CCR3: variants seen among roughly 807,000 people sequenced by gnomAD.
CCR3 encodes the protein C-C chemokine receptor type 3.
For synonymous variants in CCR3, 203 were observed against 179.2 expected, an observed-to-expected ratio of 1.13 and a Z score of -1.06; for missense variants, 419 against 437.5, an observed-to-expected ratio of 0.96 and a Z score of 0.38.
At chr3:46,236,728 G>C (rs1700029034) in intron 2 of CCR3, among the ~76,000 whole-genome samples, 1 of 152,196 alleles carries the variant, frequency 6.6e-6, no homozygotes, top group African/African-American at 2.4e-5. Context: ...GCAGCACATA[G>C]TGGGACCCTA....
upstream of CCR3, among the ~76,000 whole-genome samples, chr3:46,242,187 A>G (rs1046624897): frequency 6.6e-6 from 1 of 152,088 alleles, no homozygotes; most frequent in Non-Finnish European, 1.5e-5. Flanking sequence ...AGCAATGCCA[A>G]TGGGTGGAGA....
At chr3:46,213,394 C>G (rs1200511789) in intron 2 of CCR3, among the ~76,000 whole-genome samples, 1 of 152,232 alleles carries the variant, frequency 6.6e-6, no homozygotes, top group South Asian at 2.1e-4. Context: ...AAGGCATAAC[C>G]TCAGAAGTCA....
chr3:46,251,804 T>TG (rs888837306), intron 1 of CCR3, among the ~76,000 whole-genome samples: 1 of 151,338 alleles, frequency 6.6e-6, no homozygotes, highest in African/African-American at 2.4e-5. Flanking sequence ...CAGGCAGGAG[T>TG]GGGGGTCACA....
chr3:46,250,777 AAG>A (rs759115043), intron 1 of CCR3, among the ~76,000 whole-genome samples: 2 of 151,908 alleles, frequency 1.3e-5, no homozygotes, highest in Non-Finnish European at 1.5e-5. Flanking sequence ...ACCCAGAGAA[AAG>A]AGAGAGTAGA....
chr3:46,248,572 G>A (rs978511534), intron 1 of CCR3, among the ~76,000 whole-genome samples: 2 of 152,178 alleles, frequency 1.3e-5, no homozygotes, highest in Admixed American at 1.3e-4. Context: ...GACAGGATCA[G>A]CAGGGAGAGC....
At chr3:46,230,085 T>C (rs904919624) in intron 2 of CCR3, among the ~76,000 whole-genome samples, 1 of 151,912 alleles carries the variant, frequency 6.6e-6, no homozygotes, top group Non-Finnish European at 1.5e-5. Context: ...CAGGTCTTGA[T>C]AGAATCATAG....
intron 2 of CCR3, among the ~76,000 whole-genome samples, chr3:46,234,555 G>A (rs565301528): frequency 1.3e-5 from 2 of 152,052 alleles, no homozygotes; most frequent in African/African-American, 4.8e-5. Context: ...ATTAAGCCTC[G>A]TTTTAACATT....
chr3:46,236,671 C>G (rs887163356), intron 2 of CCR3, among the ~76,000 whole-genome samples: 2 of 152,260 alleles, frequency 1.3e-5, no homozygotes, highest in Non-Finnish European at 2.9e-5. Context: ...CTCCCTCACA[C>G]TGGGGTCCCC....
chr3:46,247,202 T>C (rs796663717), intron 1 of CCR3, among the ~76,000 whole-genome samples: 3 of 152,040 alleles, frequency 2.0e-5, no homozygotes, highest in African/African-American at 7.2e-5. Flanking sequence ...GAAAAAACAG[T>C]GTAAACTGGC....
rs559477687 is a variant in CCR3 at position 46,256,695 on chromosome 3, G to A, written c.-11-8453G>A. Among the ~76,000 whole-genome samples, 9 of 152,104 alleles carry A rather than the reference G, an allele frequency of 5.9e-5. No homozygotes were observed. In the East Asian group the frequency reaches 7.7e-4, roughly 13 times the overall value. ...AAAATTTTATTCATAAATAAATTGC[G>A]TAAAAAATCACAATGTATAAATGCA... On this transcript the variant is annotated intron_variant, in intron 1 of 1. Transcript: ENST00000395940.
upstream of CCR3, among the ~76,000 whole-genome samples, chr3:46,241,454 C>T (rs1159912701): frequency 6.6e-6 from 1 of 152,164 alleles, no homozygotes; most frequent in Non-Finnish European, 1.5e-5. Context: ...ATGGCTCTGC[C>T]CTGTGACGCT....
rs575595555 is a variant in CCR3 at position 46,264,518 on chromosome 3, A to G, written c.-11-630A>G. The stretch of plus-strand genomic sequence containing the variant: ...CACTACATTTGAATCTAGTGACAGG[A>G]GAAATGGACATGGATAGAGACTAAA... On this transcript the variant is annotated intron_variant, in intron 1 of 1. Transcript: ENST00000395940. 6.3e-5 allele frequency: 63 copies of G among 994,232 alleles called. No homozygotes were observed. The Middle Eastern group carries it at 1.2e-3, about 19-fold the overall frequency. The allele number at this position is 994,232 out of a possible 1,614,324, so 61.6% of individuals were successfully genotyped here. A position where few individuals can be genotyped will look rare whatever the true frequency, so the allele number is the denominator to read the frequency against.
intron 1 of CCR3, among the ~76,000 whole-genome samples, chr3:46,243,002 T>TATATACAC (rs56773457): frequency 0.089 from 10,978 of 123,200 alleles, 871 homozygotes; most frequent in Non-Finnish European, 0.13. Context: ...TATATATATA[T>TATATACAC]ACGCACACAC....
chr3:46,250,850 G>A (rs932844386), intron 1 of CCR3, among the ~76,000 whole-genome samples: 1 of 151,746 alleles, frequency 6.6e-6, no homozygotes, highest in African/African-American at 2.4e-5. Context: ...GGGGGGTTGG[G>A]GCATGGAAAT....
rs1170645535 is a variant in CCR3 at position 46,266,310 on chromosome 3, A to G, written c.*84A>G. ...AGCCTTCCACACTCACCTCTAAAAC[A>G]GTCCTTCAAACTTCCAGTGCAACAC... On this transcript the variant is annotated 3_prime_UTR_variant, in exon 2 of 2. Transcript: ENST00000395940. The G allele has an allele frequency of 1.1e-5, 9 of 818,698 alleles. No homozygotes were observed. Among genetic ancestry groups the G allele is most frequent in the Admixed American group, 2.7e-5 (1 of 36,580 alleles). The allele number at this position is 818,698 out of a possible 1,614,324, so 50.7% of individuals were successfully genotyped here. A position where few individuals can be genotyped will look rare whatever the true frequency, so the allele number is the denominator to read the frequency against.
At chr3:46,222,591 C>T (rs1205324053) in intron 2 of CCR3, among the ~76,000 whole-genome samples, 2 of 152,106 alleles carry the variant, frequency 1.3e-5, no homozygotes, top group African/African-American at 4.8e-5. Context: ...TCATGCATGG[C>T]CAGGCATGCT....
At chr3:46,213,305 A>G (rs1699738771) in intron 2 of CCR3, among the ~76,000 whole-genome samples, 1 of 152,180 alleles carries the variant, frequency 6.6e-6, no homozygotes, top group Admixed American at 6.5e-5. Context: ...TCATCTTCCA[A>G]TCAGCTAGAT....
At chr3:46,255,303 T>C (rs1405015617) in intron 1 of CCR3, among the ~76,000 whole-genome samples, 1 of 152,212 alleles carries the variant, frequency 6.6e-6, no homozygotes, top group Admixed American at 6.5e-5. Flanking sequence ...TAGACCTTTA[T>C]CAGATGTGTA....
Position 46,265,769 on chromosome 3 carries a change from C to T in CCR3, c.611C>T (p.Thr204Ile), listed in dbSNP as rs1482770281. 4 of 1,613,704 alleles carry T rather than the reference C, an allele frequency of 2.5e-6. No homozygotes were observed. The highest frequency in any genetic ancestry group is 4.5e-5 in the East Asian group (2 of 44,882). The stretch of plus-strand genomic sequence containing the variant: ...AGGCATTTCCACACTCTGAGAATGA[C>T]CATCTTCTGTCTCGTTCTCCCTCTG... ...SWRHFHTLRM[T>I]IFCLVLPLLV... Residue 204 changes from threonine to isoleucine, a missense_variant, in exon 2 of 2, where the codon ACC (threonine) becomes ATC (isoleucine). Physicochemically the swap from Thr to Ile is moderately conservative, Grantham distance 89. Transcript: ENST00000395940.
Sources: gnomAD v4.1 joint callset for allele counts (sites outside exome capture counted in the v4.1 genomes callset) on GRCh38, gnomAD v4.1.1 for gene constraint, MANE v1.5 for transcripts, NCBI Gene and HGNC (gene_info 2026-07-23, HGNC 2026-07-21) for gene names.